The following BOLL variants were observed in gnomAD, a reference collection of about 807,000 sequenced individuals.
The protein encoded by BOLL is protein boule-like.
A neutral mutation model predicts 44.4 loss-of-function variants in BOLL; 23 were observed. The observed-to-expected ratio is 0.52, with a 90% confidence interval of 0.37 to 0.73. BOLL has a LOEUF of 0.73. BOLL is among the 30% of genes least tolerant of loss of function. The probability of loss-of-function intolerance (pLI) is 0.00; values close to 1 mark genes in which losing one functional copy is unlikely to be tolerated. For synonymous variants in BOLL, 97 were observed against 110.8 expected, an observed-to-expected ratio of 0.88 and a Z score of 0.78; for missense variants, 287 against 338.3, an observed-to-expected ratio of 0.85 and a Z score of 1.19.
chr2:197,785,229 G>C lies in BOLL; in HGVS notation c.-189C>G. 1.0e-6 allele frequency: 1 copy of C among 985,918 alleles called. No individual in the cohort carries two copies. Among genetic ancestry groups the C allele is most frequent in the Non-Finnish European group, 1.2e-6 (1 of 829,942 alleles). 61.1% of individuals were successfully genotyped at this position (985,918 alleles called of 1,614,324 possible). ...AAGTGCGGGAGGGAAAAGAAGGCTAGCCAGCGAGAAATTTTGCCCCACAAA... is the reference window on the plus strand; with the variant it reads ...AAGTGCGGGAGGGAAAAGAAGGCTACCCAGCGAGAAATTTTGCCCCACAAA... On this transcript the variant is annotated 5_prime_UTR_variant, in exon 1 of 11. Coordinates refer to ENST00000392296, the MANE Select transcript of BOLL (RefSeq NM_033030.6). The surrounding 1 kb of genome is among the most constrained non-coding windows in gnomAD (Gnocchi z 6.7).
At chr2:197,778,240 A>G (rs1223757088) in intron 3 of BOLL, among the ~76,000 whole-genome samples, 3 of 152,010 alleles carry the variant, frequency 2.0e-5, no homozygotes, top group South Asian at 2.1e-4. Context: ...TTTCTCACCA[A>G]TACCACCTCA....
At chr2:197,755,852 G>A (rs1308435165) in intron 9 of BOLL, 1 of 152,170 alleles carries the variant, frequency 6.6e-6, no homozygotes, top group Non-Finnish European at 1.5e-5. Context: ...GTTTACCTAT[G>A]TAATAAACCT....
At position 197,752,884 on chromosome 2, in the gene BOLL, C is replaced by T. The variant is rs552907022; in HGVS notation, c.729+3544G>A. ...GAAAAGAACAAAGCTGGAGGCATCA[C>T]GCTACCTGACTTCAAACTATACTAC... On this transcript the variant is annotated intron_variant, in intron 9 of 10. Transcript: ENST00000392296. 1.3e-4 allele frequency among the ~76,000 whole-genome samples: 20 copies of T among 152,226 alleles called. 1 individual carries two copies. The South Asian group carries it at 2.7e-3, about 21-fold the overall frequency.
At chr2:197,755,540 A>G (rs543596002) in intron 9 of BOLL, among the ~76,000 whole-genome samples, 2 of 152,274 alleles carry the variant, frequency 1.3e-5, no homozygotes, top group Non-Finnish European at 2.9e-5. Context: ...TGGTACATAT[A>G]CATCATGGAA....
Position 197,766,537 on chromosome 2 carries a change from A to AGTG in BOLL, c.544_546dup (p.His182dup). 6.2e-7 allele frequency: 1 copy of AGTG among 1,604,216 alleles called. No individual in the cohort carries two copies. Among genetic ancestry groups the AGTG allele is most frequent in the Non-Finnish European group, 8.5e-7 (1 of 1,171,502 alleles). On this transcript the variant is annotated inframe_insertion, in exon 7 of 11. Coordinates refer to ENST00000392296, the MANE Select transcript of BOLL (RefSeq NM_033030.6). ...TAATTGTAATTTATGTTTACCTGGT[A>AGTG]GTGATATGCAGGTTGCTGATAAATG...
intron 9 of BOLL, among the ~76,000 whole-genome samples, chr2:197,753,676 A>T (rs1688370124): frequency 6.6e-6 from 1 of 152,238 alleles, no homozygotes. Flanking sequence ...GCATGCTTTT[A>T]CACTGTTGGT....
At chr2:197,776,058 G>A (rs1349544740) in intron 4 of BOLL, among the ~76,000 whole-genome samples, 1 of 151,910 alleles carries the variant, frequency 6.6e-6, no homozygotes, top group Non-Finnish European at 1.5e-5. Flanking sequence ...TAGTGGACAC[G>A]TGAAGAGCGG....
chr2:197,760,735 A>G (rs1437806056), intron 7 of BOLL, among the ~76,000 whole-genome samples: 1 of 152,172 alleles, frequency 6.6e-6, no homozygotes, highest in Non-Finnish European at 1.5e-5. Context: ...CTACCCTAGC[A>G]GATAGGTTGA....
intron 10 of BOLL, among the ~76,000 whole-genome samples, chr2:197,731,092 A>C (rs1214078581): frequency 9.2e-5 from 14 of 152,236 alleles, no homozygotes; most frequent in African/African-American, 3.4e-4. Flanking sequence ...AGACACACAT[A>C]GGCTCAAAAT....
Position 197,747,993 on chromosome 2 carries a change from T to TC in BOLL, c.730-4835dup, listed in dbSNP as rs553123782. Among the ~76,000 whole-genome samples, 113 of 152,282 alleles carry TC rather than the reference T, an allele frequency of 7.4e-4. 3 individuals are homozygous for TC. In the South Asian group the frequency reaches 0.023, roughly 31 times the overall value. On this transcript the variant is annotated intron_variant, in intron 9 of 10. Transcript: ENST00000392296. ...ATAGGACCAGCTCTGGTCCGCAGCT[T>TC]CCAGTGAGAACAATGTAGAAGGTGG...
intron 7 of BOLL, among the ~76,000 whole-genome samples, chr2:197,764,862 A>G (rs1013016454): frequency 6.6e-6 from 1 of 152,140 alleles, no homozygotes; most frequent in Non-Finnish European, 1.5e-5. Context: ...TTTTTATATA[A>G]TAAAACTGCC....
chr2:197,732,222 A>G (rs1687221883), intron 10 of BOLL, among the ~76,000 whole-genome samples: 1 of 152,024 alleles, frequency 6.6e-6, no homozygotes, highest in South Asian at 2.1e-4. Flanking sequence ...GAAATGGATA[A>G]ATTTCTCGAC....
intron 9 of BOLL, among the ~76,000 whole-genome samples, chr2:197,754,555 A>G (rs1688416276): frequency 6.6e-6 from 1 of 152,084 alleles, no homozygotes; most frequent in African/African-American, 2.4e-5. Context: ...TAAAAATATG[A>G]AAATATTAGC....
chr2:197,785,689 G>A (rs1690044400), upstream of BOLL, among the ~76,000 whole-genome samples: 1 of 152,212 alleles, frequency 6.6e-6, no homozygotes, highest in Non-Finnish European at 1.5e-5. The surrounding 1 kb of genome is among the most constrained non-coding windows in gnomAD (Gnocchi z 6.7). Context: ...ACTTCGCTGG[G>A]TGCCTGGCAG....
intron 9 of BOLL, among the ~76,000 whole-genome samples, chr2:197,745,995 ATGT>A (rs778318902): frequency 7.9e-5 from 12 of 152,222 alleles, no homozygotes; most frequent in Non-Finnish European, 1.5e-4. Flanking sequence ...TGGAGAAATC[ATGT>A]TTATATAATT....
intron 9 of BOLL, among the ~76,000 whole-genome samples, chr2:197,752,382 A>T (rs1458171878): frequency 6.6e-6 from 1 of 152,212 alleles, no homozygotes; most frequent in African/African-American, 2.4e-5. Context: ...AGATGACATG[A>T]TTGTATATTT....
intron 10 of BOLL, among the ~76,000 whole-genome samples, chr2:197,741,870 A>C (rs556254639): frequency 3.9e-5 from 6 of 152,166 alleles, no homozygotes; most frequent in African/African-American, 7.2e-5. Flanking sequence ...TCAGAGTGAA[A>C]AGGCAACCTA....
At chr2:197,733,663 C>G (rs904385695) in intron 10 of BOLL, among the ~76,000 whole-genome samples, 7 of 152,112 alleles carry the variant, frequency 4.6e-5, no homozygotes, top group African/African-American at 1.4e-4. Flanking sequence ...TGCCACATAT[C>G]TACAACTATC....
In BOLL at chr2:197,779,113, A is replaced by G. The variant is rs775749182; in HGVS notation, c.130-47T>C. On this transcript the variant is annotated intron_variant, in intron 2 of 10. Transcript: ENST00000392296. ...GTTAAAAAGCATTTTTAGTTGATAA[A>G]AGATGAATAATTCTCATGCTTGCTC... 15 of 1,369,326 alleles carry G rather than the reference A, an allele frequency of 1.1e-5. No individual in the cohort carries two copies. The South Asian group carries it at 1.8e-4, about 17-fold the overall frequency. 84.8% of individuals were successfully genotyped at this position (1,369,326 alleles called of 1,614,324 possible).
Sources: allele counts gnomAD v4.1 joint callset (sites outside exome capture counted in the v4.1 genomes callset), GRCh38; gene constraint gnomAD v4.1.1; non-coding constraint Gnocchi (gnomAD v3.1); transcripts MANE v1.5; gene names NCBI Gene and HGNC (gene_info 2026-07-23, HGNC 2026-07-21).